CAMTA1: variants seen among roughly 807,000 people sequenced by gnomAD.
CAMTA1 encodes calmodulin-binding transcription activator 1.
A neutral mutation model predicts 170.9 loss-of-function variants in CAMTA1; 27 were observed. The ratio of observed to expected loss-of-function variants is 0.16; its 90% CI spans 0.12 to 0.22. The LOEUF (loss-of-function observed/expected upper bound fraction) is 0.22, where lower values mean the gene tolerates loss of function less well. Ranked by LOEUF, CAMTA1 falls within the 10% of genes least tolerant of loss-of-function variation. The probability of loss-of-function intolerance (pLI) is 1.00; values close to 1 mark genes in which losing one functional copy is unlikely to be tolerated. For synonymous variants in CAMTA1, 833 were observed against 891.5 expected (o/e 0.93, Z 1.17); for missense variants, 1,619 against 2,217.2 (o/e 0.73, Z 5.42).
At position 7,300,847 on chromosome 1, in the gene CAMTA1, C is replaced by G. The variant is rs1674648759; in HGVS notation, c.438+51221C>G. Among the ~76,000 whole-genome samples, 1 of 152,170 alleles carries G rather than the reference C, an allele frequency of 6.6e-6. No homozygotes were observed. The highest frequency in any genetic ancestry group is 1.5e-5 in the Non-Finnish European group (1 of 68,032). On this transcript the variant is annotated intron_variant, in intron 5 of 22. Coordinates refer to ENST00000303635, the MANE Select transcript of CAMTA1 (RefSeq NM_015215.4). This position sits in a 1 kb window ranked among gnomAD's most constrained non-coding sequence, Gnocchi z 4.1. ...TTATTTCCATAGTCTGTGTTGCACTCAAAGTAAATATTAATTCCATTATGC... is the reference window on the plus strand; with the variant it reads ...TTATTTCCATAGTCTGTGTTGCACTGAAAGTAAATATTAATTCCATTATGC...
At chr1:7,232,974 C>T (rs1308683454) in intron 4 of CAMTA1, among the ~76,000 whole-genome samples, 5 of 151,008 alleles carry the variant, frequency 3.3e-5, no homozygotes, top group South Asian at 2.1e-4. Context: ...TCCCTCCCAC[C>T]GAGACGGAAT....
At chr1:7,690,715 C>T (rs977100174) in intron 11 of CAMTA1, among the ~76,000 whole-genome samples, 7 of 152,174 alleles carry the variant, frequency 4.6e-5, no homozygotes, top group Non-Finnish European at 8.8e-5. Context: ...TGTAGTGACT[C>T]ACTGAGACTT....
rs531861852 is a variant in CAMTA1 at position 6,918,589 on chromosome 1, C to T, written c.234+93379C>T. On this transcript the variant is annotated intron_variant, in intron 3 of 22. Transcript: ENST00000303635. This position sits in a 1 kb window ranked among gnomAD's most constrained non-coding sequence, Gnocchi z 4.0. The stretch of plus-strand genomic sequence containing the variant: ...TTATCTGGCATTGGGAAACCATCAA[C>T]GCCAGCCTGCCTTGCCGACAGCACC... Among the ~76,000 whole-genome samples the T allele has an allele frequency of 7.2e-5, 11 of 152,360 alleles. No individual in the cohort carries two copies. The East Asian group carries it at 1.5e-3, about 21-fold the overall frequency.
intron 3 of CAMTA1, among the ~76,000 whole-genome samples, chr1:6,865,264 G>A (rs1239846350): frequency 6.6e-6 from 1 of 152,162 alleles, no homozygotes; most frequent in African/African-American, 2.4e-5. Context: ...GGGTACAGTA[G>A]TGGATCTAGA....
At position 7,561,038 on chromosome 1, in the gene CAMTA1, G is replaced by T. The variant is rs999558645; in HGVS notation, c.511-79362G>T. Among the ~76,000 whole-genome samples the T allele has an allele frequency of 1.3e-5, 2 of 152,126 alleles. No homozygotes were observed. The highest frequency in any genetic ancestry group is 2.9e-5 in the Non-Finnish European group (2 of 68,010). On this transcript the variant is annotated intron_variant, in intron 6 of 22. Transcript: ENST00000303635. The surrounding 1 kb of genome is among the most constrained non-coding windows in gnomAD (Gnocchi z 5.3). The stretch of plus-strand genomic sequence containing the variant: ...GGACCTAGAAGCCCTGGCCCTCTGC[G>T]CTCAGGCTCAGGGGGTGACGCTGGG...
intron 5 of CAMTA1, among the ~76,000 whole-genome samples, chr1:7,440,097 C>G (rs1454833200): frequency 6.6e-6 from 1 of 152,264 alleles, no homozygotes; most frequent in Non-Finnish European, 1.5e-5. Flanking sequence ...GCACATTAGC[C>G]CATGGCTCAG....
At chr1:7,071,592 C>A (rs1434654957) in intron 3 of CAMTA1, among the ~76,000 whole-genome samples, 3 of 152,090 alleles carry the variant, frequency 2.0e-5, no homozygotes. Context: ...TTAATGAGAA[C>A]CAACAGATTA....
intron 5 of CAMTA1, among the ~76,000 whole-genome samples, chr1:7,275,060 C>T (rs6577432): frequency 0.81 from 122,481 of 150,468 alleles, 50,215 homozygotes; most frequent in Admixed American, 0.87. Context: ...GAGAATTGCT[C>T]GAACCCAGGA....
Position 7,357,584 on chromosome 1 carries a change from GA to G in CAMTA1, c.438+107960del, listed in dbSNP as rs202104152. Among the ~76,000 whole-genome samples, 1,435 of 152,284 alleles carry G rather than the reference GA, an allele frequency of 9.4e-3. 23 individuals are homozygous for G. The highest frequency in any genetic ancestry group is 0.031 in the African/African-American group (1,306 of 41,548). On this transcript the variant is annotated intron_variant, in intron 5 of 22. Coordinates refer to ENST00000303635, the MANE Select transcript of CAMTA1 (RefSeq NM_015215.4). ...AGAGGGGTAGGGATGAGGCTTGGAG[GA>G]AGGGTTTGAGCTGGCCCCTCTAAGC... is the stretch of plus-strand genomic sequence containing the variant.
At chr1:7,261,635 T>C (rs1574278231) in intron 5 of CAMTA1, among the ~76,000 whole-genome samples, 1 of 152,102 alleles carries the variant, frequency 6.6e-6, no homozygotes, top group African/African-American at 2.4e-5. Context: ...TTGCGGATGG[T>C]GGAGGTGGAG....
chr1:7,760,170 C>CT (rs916834091), intron 22 of CAMTA1, among the ~76,000 whole-genome samples: 6 of 152,154 alleles, frequency 3.9e-5, no homozygotes, highest in Non-Finnish European at 8.8e-5. Context: ...AGAAATAACA[C>CT]TTTTTAGTCA....
At position 7,748,556 on chromosome 1, in the gene CAMTA1, A is replaced by G. The variant is rs2096873923; in HGVS notation, c.4689+775A>G. Among the ~76,000 whole-genome samples the G allele has an allele frequency of 6.6e-6, 1 of 152,206 alleles. No individual in the cohort carries two copies. The highest frequency in any genetic ancestry group is 2.1e-4 in the South Asian group (1 of 4,836). On this transcript the variant is annotated intron_variant, in intron 19 of 22. Coordinates refer to ENST00000303635, the MANE Select transcript of CAMTA1 (RefSeq NM_015215.4). This position sits in a 1 kb window ranked among gnomAD's most constrained non-coding sequence, Gnocchi z 4.7. ...AGGATCCGTGGTCCAATACTTTGAT[A>G]AACTCCCTAGTAATTAGAGAACTGT...
intron 3 of CAMTA1, among the ~76,000 whole-genome samples, chr1:7,058,076 C>A (rs1707632354): frequency 6.6e-6 from 1 of 152,170 alleles, no homozygotes; most frequent in African/African-American, 2.4e-5. Flanking sequence ...AGGACGGAGA[C>A]CGGCCCCTTC....
intron 6 of CAMTA1, among the ~76,000 whole-genome samples, chr1:7,495,281 G>T (rs2093808845): frequency 6.6e-6 from 1 of 152,188 alleles, no homozygotes; most frequent in South Asian, 2.1e-4. Flanking sequence ...ACTGGGCTTT[G>T]TCATGCCTTG....
chr1:7,037,944 A>T (rs769884423), intron 3 of CAMTA1, among the ~76,000 whole-genome samples: 11 of 151,072 alleles, frequency 7.3e-5, no homozygotes, highest in Non-Finnish European at 7.4e-5. Context: ...CATATTTTAA[A>T]CACAATGGTT....
Position 6,891,154 on chromosome 1 carries a change from G to T in CAMTA1, c.234+65944G>T, listed in dbSNP as rs181610063. On this transcript the variant is annotated intron_variant, in intron 3 of 22. Transcript: ENST00000303635. ...CAAGCCTCCCCACCTTGATTAGAAG[G>T]TCATTAAAAAGGAACTTCATTTGAC... 1.2e-3 allele frequency among the ~76,000 whole-genome samples: 182 copies of T among 152,226 alleles called. 1 individual carries two copies. The highest frequency in any genetic ancestry group is 2.2e-3 in the Non-Finnish European group (147 of 68,016).
intron 3 of CAMTA1, among the ~76,000 whole-genome samples, chr1:6,864,713 T>C (rs1159444204): frequency 2.0e-5 from 3 of 152,114 alleles, no homozygotes; most frequent in Non-Finnish European, 4.4e-5. Flanking sequence ...GCCATTTACA[T>C]GTTGTTTCTT....
At chr1:7,558,501 A>C (rs1448952537) in intron 6 of CAMTA1, among the ~76,000 whole-genome samples, 4 of 148,068 alleles carry the variant, frequency 2.7e-5, no homozygotes, top group African/African-American at 8.0e-5. Flanking sequence ...TCCCTTCTCC[A>C]GGGAAAAGTC....
chr1:7,175,742 T>G (rs1650670028), intron 4 of CAMTA1, among the ~76,000 whole-genome samples: 1 of 152,234 alleles, frequency 6.6e-6, no homozygotes, highest in South Asian at 2.1e-4. Context: ...TGGCCGAGGC[T>G]TCTCCCCTCC....
Sources: allele counts gnomAD v4.1 joint callset (sites outside exome capture counted in the v4.1 genomes callset), GRCh38; gene constraint gnomAD v4.1.1; non-coding constraint Gnocchi (gnomAD v3.1); transcripts MANE v1.5; gene names NCBI Gene and HGNC (gene_info 2026-07-23, HGNC 2026-07-21).